Variants in SAMMSON observed in about 807,000 individuals in gnomAD.
The protein encoded by SAMMSON is long intergenic non-protein coding RNA 1212.
chr3:70,152,474 A>G (rs899522703), intron 4 of SAMMSON, among the ~76,000 whole-genome samples: 1 of 151,986 alleles, frequency 6.6e-6, no homozygotes, highest in Non-Finnish European at 1.5e-5. Context: ...TATGTCCTAA[A>G]CAAGTATGGT....
At chr3:70,255,823 C>T (rs1701810358) in intron 6 of SAMMSON, among the ~76,000 whole-genome samples, 1 of 152,174 alleles carries the variant, frequency 6.6e-6, no homozygotes, top group Non-Finnish European at 1.5e-5. Flanking sequence ...ATGATCAATG[C>T]ACACCAATTG....
chr3:70,077,951 C>G (rs74477171), intron 4 of SAMMSON, among the ~76,000 whole-genome samples: 7 of 152,332 alleles, frequency 4.6e-5, no homozygotes, highest in African/African-American at 1.7e-4. Context: ...ATTCCTTCTT[C>G]TTCTACTGGC....
intron 4 of SAMMSON, among the ~76,000 whole-genome samples, chr3:70,107,766 A>T (rs73105952): frequency 0.073 from 11,103 of 152,168 alleles, 555 homozygotes; most frequent in Non-Finnish European, 0.11. Flanking sequence ...TCTACGTACC[A>T]ACCTCTGAAA....
chr3:70,198,956 G>A (rs1275288990), intron 4 of SAMMSON, among the ~76,000 whole-genome samples: 1 of 152,098 alleles, frequency 6.6e-6, no homozygotes, highest in Non-Finnish European at 1.5e-5. Flanking sequence ...CAAAGATGAG[G>A]GACATACAAC....
chr3:70,134,087 C>CAAAAAAAA (rs1157606808), intron 4 of SAMMSON, among the ~76,000 whole-genome samples: 1 of 60,546 alleles, frequency 1.7e-5, no homozygotes, highest in African/African-American at 5.6e-5. Context: ...ACTGAAAATA[C>CAAAAAAAA]AAAAAAAAAA....
intron 4 of SAMMSON, among the ~76,000 whole-genome samples, chr3:70,242,481 G>A (rs1358396019): frequency 6.6e-6 from 1 of 152,096 alleles, no homozygotes; most frequent in Non-Finnish European, 1.5e-5. Flanking sequence ...GCAGTTACTT[G>A]GACAAGCATG....
intron 6 of SAMMSON, among the ~76,000 whole-genome samples, chr3:70,256,208 T>C (rs901887254): frequency 3.9e-5 from 6 of 152,180 alleles, no homozygotes; most frequent in African/African-American, 1.4e-4. Flanking sequence ...AAAACTTTAG[T>C]TGTAAAGTTT....
chr3:70,319,770 T>C (rs1304773004), intron 7 of SAMMSON, among the ~76,000 whole-genome samples: 3 of 152,066 alleles, frequency 2.0e-5, no homozygotes, highest in Non-Finnish European at 4.4e-5. Context: ...ATTAAATTTT[T>C]ACAAGTCAGT....
intron 3 of SAMMSON, among the ~76,000 whole-genome samples, chr3:70,024,048 A>T (rs1310037845): frequency 6.6e-6 from 1 of 151,900 alleles, no homozygotes; most frequent in East Asian, 1.9e-4. Flanking sequence ...TCTATCCCTA[A>T]TTTCACATCT....
At chr3:70,029,771 C>G (rs1576102287) in intron 3 of SAMMSON, among the ~76,000 whole-genome samples, 1 of 148,346 alleles carries the variant, frequency 6.7e-6, no homozygotes, top group South Asian at 2.1e-4. Context: ...AAAAAAAAAG[C>G]CCTTAATTTG....
chr3:70,333,376 T>A (rs976244399), intron 7 of SAMMSON, among the ~76,000 whole-genome samples: 1 of 151,832 alleles, frequency 6.6e-6, no homozygotes, highest in Non-Finnish European at 1.5e-5. Context: ...ATTAAAATAA[T>A]AAAAAATATT....
At chr3:70,324,483 C>T (rs1362395019) in intron 7 of SAMMSON, among the ~76,000 whole-genome samples, 1 of 152,104 alleles carries the variant, frequency 6.6e-6, no homozygotes, top group Non-Finnish European at 1.5e-5. Context: ...ATCATCCCCT[C>T]CCCCTGCACT....
intron 1 of SAMMSON, among the ~76,000 whole-genome samples, chr3:70,004,854 T>C (rs969337256): frequency 1.4e-4 from 21 of 151,886 alleles, no homozygotes; most frequent in African/African-American, 4.8e-4. Flanking sequence ...AAACAATACA[T>C]AGAGTTCATG....
chr3:70,210,741 A>T (rs937301687), intron 4 of SAMMSON, among the ~76,000 whole-genome samples: 2 of 151,920 alleles, frequency 1.3e-5, no homozygotes, highest in East Asian at 3.9e-4. Context: ...TTAAAAACAA[A>T]CCAAAATTAG....
intron 4 of SAMMSON, among the ~76,000 whole-genome samples, chr3:70,180,206 C>T (rs1701041778): frequency 6.6e-6 from 1 of 152,018 alleles, no homozygotes; most frequent in African/African-American, 2.4e-5. Context: ...TGGTCCTAAG[C>T]AGTATTTCTT....
At chr3:70,406,773 C>T (rs553624051) in intron 2 of SAMMSON, among the ~76,000 whole-genome samples, 2 of 152,152 alleles carry the variant, frequency 1.3e-5, no homozygotes, top group South Asian at 4.2e-4. Context: ...GAAGGAACAA[C>T]CACCTAAAAA....
chr3:70,287,268 G>A lies in SAMMSON; in HGVS notation n.675-3911G>A, dbSNP rs1366822913. 4.7e-3 allele frequency among the ~76,000 whole-genome samples: 658 copies of A among 140,650 alleles called. 9 individuals are homozygous for A. Among genetic ancestry groups the A allele is most frequent in the African/African-American group, 0.017 (621 of 36,634 alleles). 92.3% of individuals were successfully genotyped at this position (140,650 alleles called of 152,430 possible). ...ATTTATTGAGAGTTTTTAGCATGAA[G>A]GGTTGTTGAATTTTGTCAAAGGCCT... On this transcript the variant is annotated intron_variant and non_coding_transcript_variant, in intron 6 of 9. Coordinates refer to ENST00000642114, the Ensembl canonical transcript of SAMMSON.
At chr3:70,036,341 A>T (rs1367659155) in intron 3 of SAMMSON, among the ~76,000 whole-genome samples, 1 of 152,040 alleles carries the variant, frequency 6.6e-6, no homozygotes, top group Non-Finnish European at 1.5e-5. Context: ...CATCTATCTC[A>T]TGTGTCCAAC....
intron 4 of SAMMSON, among the ~76,000 whole-genome samples, chr3:70,222,495 G>A (rs1701469835): frequency 6.6e-6 from 1 of 152,154 alleles, no homozygotes; most frequent in South Asian, 2.1e-4. Flanking sequence ...TTGGTTTTCG[G>A]TAAAGCAATT....
Sources: allele counts gnomAD v4.1 joint callset (sites outside exome capture counted in the v4.1 genomes callset), GRCh38; gene constraint gnomAD v4.1.1; transcripts MANE v1.5; gene names NCBI Gene and HGNC (gene_info 2026-07-23, HGNC 2026-07-21).